The following COL4A1 variants were observed in gnomAD, a reference collection of about 807,000 sequenced individuals.
COL4A1 encodes the protein collagen alpha-1(IV) chain.
COL4A1 carries 40 observed loss-of-function variants against 216.6 expected under a neutral mutation model. That is an observed-to-expected ratio of 0.18 (90% CI 0.14 to 0.24). The LOEUF is 0.24. Ranked by LOEUF, COL4A1 falls within the 10% of genes least tolerant of loss-of-function variation. The probability of loss-of-function intolerance (pLI) is 1.00; values close to 1 mark genes in which losing one functional copy is unlikely to be tolerated. For missense variants in COL4A1, 1,628 were observed against 2,196.8 expected (o/e 0.74, Z 5.18); for synonymous variants, 839 against 810.7 (o/e 1.03, Z -0.59).
intron 2 of COL4A1, among the ~76,000 whole-genome samples, chr13:110,237,495 G>A (rs656034): frequency 0.83 from 126,125 of 152,096 alleles, 52,576 homozygotes; most frequent in East Asian, 0.99. Flanking sequence ...GATGCTGCTC[G>A]ACATCCTACA....
rs565620020 is a variant in COL4A1, at chr13:110,155,099, C to T, written c.4755+184G>A. 4.5e-3 allele frequency among the ~76,000 whole-genome samples: 679 copies of T among 152,330 alleles called. 2 individuals carry two copies. The highest frequency in any genetic ancestry group is 0.014 in the Middle Eastern group (4 of 294). ...TTCTGGCTGGTGCTGGAGACCCCTG[C>T]TGTCACCAGGCAGGGCAGGCCAGGC... On this transcript the variant is annotated intron_variant, in intron 50 of 51. Transcript: ENST00000375820.
chr13:110,262,700 T>C (rs1447333864), intron 1 of COL4A1, among the ~76,000 whole-genome samples: 1 of 152,158 alleles, frequency 6.6e-6, no homozygotes, highest in Non-Finnish European at 1.5e-5. Context: ...ACAATACATG[T>C]TTCAGGGAAA....
At chr13:110,176,800 T>C (rs1877909595) in intron 34 of COL4A1, 76 bp from the exon 35 acceptor site, 9 of 1,613,962 alleles carry the variant, frequency 5.6e-6, no homozygotes, top group Non-Finnish European at 6.8e-6. Context: ...CAGGTTGGTT[T>C]GGTTATTATT....
At chr13:110,221,828 C>A (rs961066466) in intron 2 of COL4A1, among the ~76,000 whole-genome samples, 4 of 152,182 alleles carry the variant, frequency 2.6e-5, no homozygotes, top group African/African-American at 7.2e-5. Context: ...CAGATTTCCA[C>A]GTTGGAAAGG....
chr13:110,166,839 T>G (rs1205475304), intron 44 of COL4A1, among the ~76,000 whole-genome samples: 1 of 152,160 alleles, frequency 6.6e-6, no homozygotes, highest in Admixed American at 6.5e-5. Flanking sequence ...CTGCAGTGCC[T>G]GGGGAGCTGG....
intron 49 of COL4A1, 26 bp downstream of exon 49, chr13:110,161,166 T>C (rs1877066358): frequency 6.2e-7 from 1 of 1,612,288 alleles, no homozygotes; most frequent in Non-Finnish European, 8.5e-7. Flanking sequence ...CAATTTTGCA[T>C]TTGTTCCTAC....
At chr13:110,256,426 G>C (rs1394954822) in intron 1 of COL4A1, among the ~76,000 whole-genome samples, 1 of 152,216 alleles carries the variant, frequency 6.6e-6, no homozygotes, top group Non-Finnish European at 1.5e-5. Flanking sequence ...GAGTGGTGCT[G>C]CCCTGTCAGG....
chr13:110,288,701 G>A (rs572101777), intron 1 of COL4A1, among the ~76,000 whole-genome samples: 84 of 152,280 alleles, frequency 5.5e-4, no homozygotes, highest in African/African-American at 2.0e-3. Context: ...CCCTGGACAG[G>A]TTGTTGAAAT....
In COL4A1 at chr13:110,161,272, C is replaced by T. The variant is rs773639086; in HGVS notation, c.4560G>A (p.Ser1520=). 2.0e-5 allele frequency: 33 copies of T among 1,613,998 alleles called. No homozygotes were observed. The highest frequency in any genetic ancestry group is 2.0e-4 in the East Asian group (9 of 44,896). ...VCNFASRNDY[S]YWLSTPEPMP... ...TGGGCTCAGGGGTGGACAGCCAGTA[C>T]GAGTAGTCATTTCGTGATGCAAAGT... Residue 1520 remains serine, a synonymous_variant, in exon 49 of 52, where the codon TCG becomes TCA. Transcript: ENST00000375820.
intron 1 of COL4A1, among the ~76,000 whole-genome samples, chr13:110,261,453 T>G (rs966559589): frequency 6.6e-6 from 1 of 152,252 alleles, no homozygotes; most frequent in Admixed American, 6.5e-5. Context: ...TGTTTAGATT[T>G]GGAGAGCAAA....
Position 110,213,936 on chromosome 13 carries a change from G to C in COL4A1, c.224C>G (p.Pro75Arg). 1 of 1,614,018 alleles carries C rather than the reference G, an allele frequency of 6.2e-7. No individual in the cohort carries two copies. Among genetic ancestry groups the C allele is most frequent in the Non-Finnish European group, 8.5e-7 (1 of 1,180,002 alleles). The part of the protein sequence containing the change: ...MQGPEGPQGP[P>R]GQKGDTGEPG... The stretch of plus-strand genomic sequence containing the variant: ...CACAGCCGTGCTTACCTTTTGTCCT[G>C]GTGGTCCCTGTGGCCCCTCAGGTCC... Residue 75 changes from proline to arginine, a missense_variant, in exon 3 of 52, where the codon CCA becomes CGA. Around this residue, in one of 8 missense-constraint regions of COL4A1, gnomAD observed 150 missense variants for 211.9 expected, o/e 0.71. Coordinates refer to ENST00000375820, the MANE Select transcript of COL4A1 (RefSeq NM_001845.6).
At chr13:110,180,494 G>C (rs1277319907) in intron 29 of COL4A1, among the ~76,000 whole-genome samples, 1 of 152,230 alleles carries the variant, frequency 6.6e-6, no homozygotes, top group Non-Finnish European at 1.5e-5. Flanking sequence ...CCAGGGAGCA[G>C]GCCCCACCTG....
intron 2 of COL4A1, among the ~76,000 whole-genome samples, chr13:110,230,574 ACCACGGGGAGCCTCC>A (rs1330903881): frequency 1.3e-5 from 2 of 151,938 alleles, no homozygotes; most frequent in Admixed American, 1.3e-4. Flanking sequence ...CTCCTCTAAG[ACCACGGGGAGCCTCC>A]CCAGCCTCCT....
At chr13:110,264,024 T>C (rs903129825) in intron 1 of COL4A1, among the ~76,000 whole-genome samples, 1 of 152,208 alleles carries the variant, frequency 6.6e-6, no homozygotes, top group Non-Finnish European at 1.5e-5. Flanking sequence ...CTCGCACTGC[T>C]TGGCAGGAGA....
At chr13:110,193,691 C>A (rs1878748668) in intron 22 of COL4A1, among the ~76,000 whole-genome samples, 1 of 152,240 alleles carries the variant, frequency 6.6e-6, no homozygotes, top group South Asian at 2.1e-4. Flanking sequence ...CTGCTATTGC[C>A]CACTCTGCCC....
chr13:110,183,422 A>T, intron 26 of COL4A1, 146 bp from the exon 27 acceptor site: 1 of 765,734 alleles, frequency 1.3e-6, no homozygotes, highest in Non-Finnish European at 2.2e-6. Context: ...TGTGTTCTCC[A>T]CTTCTTCCCT....
intron 37 of COL4A1, among the ~76,000 whole-genome samples, chr13:110,174,970 G>A (rs1263800346): frequency 6.6e-6 from 1 of 152,136 alleles, no homozygotes; most frequent in Non-Finnish European, 1.5e-5. Flanking sequence ...ATTCCTCTTC[G>A]TCCTCCATCC....
At chr13:110,163,634 T>C in intron 46 of COL4A1, 73 bp from the exon 47 acceptor site, 1 of 1,376,016 alleles carries the variant, frequency 7.3e-7, no homozygotes, top group Non-Finnish European at 1.0e-6. Context: ...TTCTTAAATG[T>C]CCTTTTCAGT....
chr13:110,262,598 C>T (rs1475088464), intron 1 of COL4A1, among the ~76,000 whole-genome samples: 1 of 152,212 alleles, frequency 6.6e-6, no homozygotes, highest in Admixed American at 6.5e-5. Flanking sequence ...TGCTTTTCAT[C>T]CCACATTCCT....
Sources: allele counts gnomAD v4.1 joint callset (sites outside exome capture counted in the v4.1 genomes callset), GRCh38; gene constraint gnomAD v4.1.1; regional missense constraint gnomAD v4.1.1; transcripts MANE v1.5; gene names NCBI Gene and HGNC (gene_info 2026-07-23, HGNC 2026-07-21).